The following SHANK2 variants were observed in gnomAD, a reference collection of about 807,000 sequenced individuals.
The protein encoded by SHANK2 is SH3 and multiple ankyrin repeat domains 2.
SHANK2 carries 43 observed loss-of-function variants against 133.7 expected under a neutral mutation model. The ratio of observed to expected loss-of-function variants is 0.32; its 90% CI spans 0.25 to 0.41. SHANK2 has a LOEUF of 0.41. SHANK2 is among the 10% of genes least tolerant of loss of function. The pLI, the probability that SHANK2 is intolerant of heterozygous loss-of-function variation, is 1.00. For synonymous variants in SHANK2, 1,017 were observed against 952.8 expected, an observed-to-expected ratio of 1.07 and a Z score of -1.24; for missense variants, 1,994 against 2,235.8, an observed-to-expected ratio of 0.89 and a Z score of 2.18.
intron 11 of SHANK2, among the ~76,000 whole-genome samples, chr11:70,827,725 A>G: frequency 6.8e-6 from 1 of 146,668 alleles, no homozygotes; most frequent in South Asian, 2.2e-4. Context: ...ACACACACAC[A>G]CACAACCAGA....
At chr11:70,635,116 G>T (rs1401281279) in intron 17 of SHANK2, 1 of 152,230 alleles carries the variant, frequency 6.6e-6, no homozygotes. Flanking sequence ...AAGGTAAAGT[G>T]GTGCAGCCCC....
At chr11:71,205,966 C>T (rs1954119116) in intron 2 of SHANK2, among the ~76,000 whole-genome samples, 1 of 152,124 alleles carries the variant, frequency 6.6e-6, no homozygotes, top group Non-Finnish European at 1.5e-5. Flanking sequence ...GAGAAAAGCT[C>T]CAATCAGGGC....
chr11:70,798,826 C>T (rs1947979078), intron 13 of SHANK2, among the ~76,000 whole-genome samples: 1 of 152,222 alleles, frequency 6.6e-6, no homozygotes, highest in African/African-American at 2.4e-5. Context: ...CTTTACGTAT[C>T]TGACACCACG....
intron 17 of SHANK2, among the ~76,000 whole-genome samples, chr11:70,615,666 CTCGCTG>C (rs2060729979): frequency 2.0e-5 from 3 of 152,198 alleles, no homozygotes; most frequent in Admixed American, 1.3e-4. Flanking sequence ...GTTCATGGAA[CTCGCTG>C]TGTGGGCGGC....
At chr11:70,624,238 G>A (rs564217065) in intron 17 of SHANK2, among the ~76,000 whole-genome samples, 1 of 152,154 alleles carries the variant, frequency 6.6e-6, no homozygotes, top group South Asian at 2.1e-4. Context: ...ATGGGGGCGG[G>A]CTGTCACCTG....
intron 11 of SHANK2, among the ~76,000 whole-genome samples, chr11:70,886,649 T>C (rs1392532906): frequency 6.6e-6 from 1 of 152,040 alleles, no homozygotes; most frequent in Admixed American, 6.6e-5. Context: ...TAAAGGATCA[T>C]GGCTCAAAAT....
At chr11:70,767,416 G>A (rs1194149793) in intron 14 of SHANK2, among the ~76,000 whole-genome samples, 2 of 152,240 alleles carry the variant, frequency 1.3e-5, no homozygotes, top group East Asian at 1.9e-4. Flanking sequence ...GTTCACAGCC[G>A]CACCACTCAC....
At chr11:70,902,300 G>A (rs1445955636) in intron 10 of SHANK2, among the ~76,000 whole-genome samples, 1 of 152,216 alleles carries the variant, frequency 6.6e-6, no homozygotes, top group East Asian at 1.9e-4. Flanking sequence ...CAAGAGTTAT[G>A]TAACACAAAG....
rs201394941 is a variant in SHANK2 at position 70,599,905 on chromosome 11, G to GAGAA, written c.2061+59919_2061+59922dup. On this transcript the variant is annotated intron_variant, in intron 17 of 25. Transcript: ENST00000601538. ...AAAGAAAGAAAAAGAAAGAAAGAAA[G>GAGAA]AGAAAGAAAGAAAGAAAGAAAGAAA... Among the ~76,000 whole-genome samples the GAGAA allele has an allele frequency of 9.4e-3, 694 of 73,462 alleles. 20 individuals are homozygous for GAGAA. The highest frequency in any genetic ancestry group is 9.2e-3 in the African/African-American group (152 of 16,510). The allele number at this position is 73,462 out of a possible 152,430, so 48.2% of individuals were successfully genotyped here.
chr11:70,701,335 C>T (rs966382352), intron 14 of SHANK2, among the ~76,000 whole-genome samples: 14 of 152,140 alleles, frequency 9.2e-5, no homozygotes, highest in Non-Finnish European at 1.8e-4. Flanking sequence ...CCAAGTTTTA[C>T]ATTTGGCTCA....
chr11:71,113,184 G>T, intron 5 of SHANK2, 109 bp downstream of exon 5: 1 of 994,558 alleles, frequency 1.0e-6, no homozygotes, highest in Non-Finnish European at 1.5e-6. Flanking sequence ...CGCCATGCCA[G>T]GTACACAGCA....
chr11:70,716,905 C>CCT (rs1555027418), intron 14 of SHANK2, among the ~76,000 whole-genome samples: 1 of 149,132 alleles, frequency 6.7e-6, no homozygotes, highest in African/African-American at 2.5e-5. Flanking sequence ...GCCCCCCCCC[C>CCT]GCCCAACTGG....
At chr11:70,705,911 C>T (rs61886418) in intron 14 of SHANK2, 14,147 of 149,876 alleles carry the variant, frequency 0.094, 857 homozygotes, top group African/African-American at 0.16. Context: ...TCTATAGAGA[C>T]AATAGAATGA....
At chr11:70,716,251 C>T (rs1945915749) in intron 14 of SHANK2, among the ~76,000 whole-genome samples, 1 of 152,162 alleles carries the variant, frequency 6.6e-6, no homozygotes, top group Admixed American at 6.5e-5. Context: ...GTGCTCAACA[C>T]TGCTCCCGGC....
rs73532094 is a variant in SHANK2 at position 70,845,471 on chromosome 11, C to T, written c.1175-24789G>A. Among the ~76,000 whole-genome samples the T allele has an allele frequency of 5.9e-3, 905 of 152,206 alleles. 10 individuals are homozygous for T. Among genetic ancestry groups the T allele is most frequent in the African/African-American group, 0.021 (852 of 41,554 alleles). ...CCATGGCATTTTTCCTACTCGGCTTCGTGAACTTCCAATGGAATGTGCTTA... is the reference window on the plus strand; with the variant it reads ...CCATGGCATTTTTCCTACTCGGCTTTGTGAACTTCCAATGGAATGTGCTTA... On this transcript the variant is annotated intron_variant, in intron 11 of 25. Coordinates refer to ENST00000601538, the MANE Select transcript of SHANK2 (RefSeq NM_012309.5).
At chr11:70,662,072 C>T (rs1349063943) in intron 15 of SHANK2, 2 of 481,496 alleles carry the variant, frequency 4.2e-6, no homozygotes, top group Non-Finnish European at 7.6e-6. Flanking sequence ...TCAGCAGCGG[C>T]GGCGTCGGGA....
intron 1 of SHANK2, among the ~76,000 whole-genome samples, chr11:71,231,195 C>G (rs1954735489): frequency 6.6e-6 from 1 of 152,040 alleles, no homozygotes; most frequent in South Asian, 2.1e-4. Flanking sequence ...TAATATGTGT[C>G]TAGAATAAAG....
In SHANK2 at chr11:70,600,546, G is replaced by T. The variant is rs1342644420; in HGVS notation, c.2061+59282C>A. On this transcript the variant is annotated intron_variant, in intron 17 of 25. Coordinates refer to ENST00000601538, the MANE Select transcript of SHANK2 (RefSeq NM_012309.5). ...TCCTGAAGAGATAAAAGGTGGGTGG[G>T]TTGGGGGTGAAGGGGAGAAATATTC... Among the ~76,000 whole-genome samples, 3 of 152,272 alleles carry T rather than the reference G, an allele frequency of 2.0e-5. No homozygotes were observed. In the South Asian group the frequency reaches 6.2e-4, roughly 32 times the overall value.
chr11:70,672,424 C>A (rs1310284272), intron 15 of SHANK2, among the ~76,000 whole-genome samples: 3 of 152,228 alleles, frequency 2.0e-5, no homozygotes, highest in Non-Finnish European at 4.4e-5. Context: ...CTTTTGTGAT[C>A]TGATTCATGC....
Sources: gnomAD v4.1 joint callset for allele counts (sites outside exome capture counted in the v4.1 genomes callset) on GRCh38, gnomAD v4.1.1 for gene constraint, MANE v1.5 for transcripts, NCBI Gene and HGNC (gene_info 2026-07-23, HGNC 2026-07-21) for gene names.